JAZF1: variants seen among roughly 807,000 people sequenced by gnomAD.
JAZF1 encodes juxtaposed with another zinc finger protein 1.
JAZF1 carries 8 observed loss-of-function variants against 26.4 expected under a neutral mutation model. That is an observed-to-expected ratio of 0.30 (90% CI 0.18 to 0.55). The LOEUF (loss-of-function observed/expected upper bound fraction) is 0.55. JAZF1 is among the 20% of genes least tolerant of loss of function. The pLI is 0.94. For missense variants in JAZF1, 199 were observed against 322.0 expected (o/e 0.62, Z 2.92); for synonymous variants, 126 against 122.3 (o/e 1.03, Z -0.20).
At chr7:27,947,509 C>A (rs1206545830) in intron 2 of JAZF1, among the ~76,000 whole-genome samples, 1 of 152,220 alleles carries the variant, frequency 6.6e-6, no homozygotes, top group African/African-American at 2.4e-5. Flanking sequence ...CTCTGCTATT[C>A]CTTTCAAGTG....
intron 1 of JAZF1, among the ~76,000 whole-genome samples, chr7:28,157,885 A>AT (rs1037265314): frequency 6.6e-6 from 1 of 150,704 alleles, no homozygotes. Flanking sequence ...AGTCCCCTTT[A>AT]TTTTTTTTTA....
chr7:27,862,974 C>T (rs981126004), intron 3 of JAZF1, among the ~76,000 whole-genome samples: 31 of 152,186 alleles, frequency 2.0e-4, no homozygotes, highest in African/African-American at 7.2e-4. Flanking sequence ...AGACCAAAAT[C>T]TAGGTGCTGC....
chr7:28,081,046 G>A (rs1404500291), intron 1 of JAZF1, among the ~76,000 whole-genome samples: 1 of 152,136 alleles, frequency 6.6e-6, no homozygotes, highest in African/African-American at 2.4e-5. Flanking sequence ...TAGTAAGCTG[G>A]TAAATTAGAG....
intron 3 of JAZF1, among the ~76,000 whole-genome samples, chr7:27,883,668 G>A (rs1412128019): frequency 6.6e-6 from 1 of 152,196 alleles, no homozygotes; most frequent in Non-Finnish European, 1.5e-5. Flanking sequence ...TCAATGTAAG[G>A]AAGCACTCTT....
At chr7:27,939,223 T>C (rs1048802887) in intron 2 of JAZF1, among the ~76,000 whole-genome samples, 1 of 152,234 alleles carries the variant, frequency 6.6e-6, no homozygotes, top group African/African-American at 2.4e-5. Context: ...AGGAATTCTC[T>C]GCTTAAAATA....
At chr7:28,103,964 C>T (rs150438833) in intron 1 of JAZF1, among the ~76,000 whole-genome samples, 47 of 152,326 alleles carry the variant, frequency 3.1e-4, no homozygotes, top group Middle Eastern at 3.4e-3. Context: ...CGCAAACTGG[C>T]CTACGTGGGT....
intron 1 of JAZF1, among the ~76,000 whole-genome samples, chr7:28,128,091 G>T (rs1782726782): frequency 6.6e-6 from 1 of 152,192 alleles, no homozygotes; most frequent in East Asian, 1.9e-4. Flanking sequence ...GTTCCAGGAG[G>T]CCATATTAAA....
intron 2 of JAZF1, among the ~76,000 whole-genome samples, chr7:27,989,739 A>C (rs1785855886): frequency 6.6e-6 from 1 of 152,248 alleles, no homozygotes; most frequent in African/African-American, 2.4e-5. Context: ...ATGAGGTACC[A>C]TCTCACACCA....
At chr7:27,911,096 C>G (rs1784352790) in intron 2 of JAZF1, among the ~76,000 whole-genome samples, 1 of 152,198 alleles carries the variant, frequency 6.6e-6, no homozygotes, top group South Asian at 2.1e-4. Context: ...TTCCAACAAC[C>G]AAACACCGAA....
rs149512788 is a variant in JAZF1, at chr7:28,174,524, T to G, written c.115+5939A>C. Among the ~76,000 whole-genome samples, 25 of 152,346 alleles carry G rather than the reference T, an allele frequency of 1.6e-4. No homozygotes were observed. The East Asian group carries it at 4.8e-3, about 29-fold the overall frequency. ...AGATATCTCCGAAATATATGAACTC[T>G]AAAGGAAACCATTTTCTGAAGAATA... On this transcript the variant is annotated intron_variant, in intron 1 of 4. Transcript: ENST00000283928.
intron 3 of JAZF1, among the ~76,000 whole-genome samples, chr7:27,848,117 T>C (rs776912808): frequency 1.3e-5 from 2 of 152,246 alleles, no homozygotes; most frequent in Non-Finnish European, 2.9e-5. Context: ...AGGATTCTGA[T>C]AGGGATTGCA....
chr7:28,005,131 C>A (rs1484803632), intron 1 of JAZF1, among the ~76,000 whole-genome samples: 2 of 152,142 alleles, frequency 1.3e-5, no homozygotes, highest in African/African-American at 4.8e-5. Flanking sequence ...TAAGGGTGTT[C>A]TGACAAGACC....
At chr7:27,890,784 C>CTTT (rs70977008) in intron 3 of JAZF1, among the ~76,000 whole-genome samples, 53 of 92,022 alleles carry the variant, frequency 5.8e-4, no homozygotes, top group East Asian at 1.2e-3. Flanking sequence ...GATGTTACTA[C>CTTT]TTTTTTTTTT....
At position 27,832,695 on chromosome 7, in the gene JAZF1, C is replaced by A. The variant is rs1782729099; in HGVS notation, c.*105G>T. The A allele has an allele frequency of 1.1e-6, 1 of 929,304 alleles. No homozygotes were observed. The highest frequency in any genetic ancestry group is 2.3e-5 in the South Asian group (1 of 43,844). The allele number at this position is 929,304 out of a possible 1,614,324, so 57.6% of individuals were successfully genotyped here. A position where few individuals can be genotyped will look rare whatever the true frequency, so the allele number is the denominator to read the frequency against. On this transcript the variant is annotated 3_prime_UTR_variant, in exon 5 of 5. Transcript: ENST00000283928. The stretch of plus-strand genomic sequence containing the variant: ...AAAAATTTAAAGCATGCATTTAATT[C>A]TTTTTCTTTAAAGGGTTGCTGAATG...
chr7:27,882,995 C>G (rs971715779), intron 3 of JAZF1, among the ~76,000 whole-genome samples: 8 of 152,096 alleles, frequency 5.3e-5, no homozygotes, highest in African/African-American at 1.4e-4. Context: ...ACACCATTTT[C>G]CAGGCTTACA....
At chr7:27,913,053 T>C (rs924080415) in intron 2 of JAZF1, among the ~76,000 whole-genome samples, 1 of 152,110 alleles carries the variant, frequency 6.6e-6, no homozygotes, top group East Asian at 1.9e-4. Flanking sequence ...TTTCAGGATA[T>C]CTGGGAGCTA....
chr7:28,108,476 G>T (rs1447440771), intron 1 of JAZF1, among the ~76,000 whole-genome samples: 2 of 152,170 alleles, frequency 1.3e-5, no homozygotes, highest in Non-Finnish European at 2.9e-5. Flanking sequence ...TTCCCTGCCA[G>T]TTCTCTCTGC....
chr7:27,931,681 G>A (rs62451127), intron 2 of JAZF1, among the ~76,000 whole-genome samples: 5,474 of 152,276 alleles, frequency 0.036, 142 homozygotes, highest in Non-Finnish European at 0.055. Flanking sequence ...AGCTGGGCGT[G>A]TTGGTGCACA....
chr7:27,856,421 G>A (rs1178132382), intron 3 of JAZF1, among the ~76,000 whole-genome samples: 2 of 152,188 alleles, frequency 1.3e-5, no homozygotes, highest in Non-Finnish European at 2.9e-5. Context: ...AAGAGCGAAA[G>A]AACAAAGTTT....
Sources: gnomAD v4.1 joint callset for allele counts (sites outside exome capture counted in the v4.1 genomes callset) on GRCh38, gnomAD v4.1.1 for gene constraint, MANE v1.5 for transcripts, NCBI Gene and HGNC (gene_info 2026-07-23, HGNC 2026-07-21) for gene names.